The following SYT1 variants were observed in gnomAD, a reference collection of about 807,000 sequenced individuals.
The protein encoded by SYT1 is synaptotagmin 1.
A neutral mutation model predicts 44.8 loss-of-function variants in SYT1; 8 were observed. The ratio of observed to expected loss-of-function variants is 0.18; its 90% CI spans 0.10 to 0.32. The LOEUF (loss-of-function observed/expected upper bound fraction) is 0.32, where lower values mean the gene tolerates loss of function less well. Ranked by LOEUF, SYT1 falls within the 10% of genes least tolerant of loss-of-function variation. SYT1 has a pLI of 1.00. For synonymous variants in SYT1, 154 were observed against 188.8 expected, an observed-to-expected ratio of 0.82 and a Z score of 1.51; for missense variants, 286 against 509.3, an observed-to-expected ratio of 0.56 and a Z score of 4.22.
chr12:78,903,814 A>G (rs956554070), intron 1 of SYT1, among the ~76,000 whole-genome samples: 2 of 152,136 alleles, frequency 1.3e-5, no homozygotes, highest in African/African-American at 4.8e-5. Context: ...ATAGTTATAC[A>G]TAAATTAATT....
chr12:79,143,294 T>G (rs1262581404), intron 3 of SYT1, among the ~76,000 whole-genome samples: 1 of 152,194 alleles, frequency 6.6e-6, no homozygotes, highest in African/African-American at 2.4e-5. Context: ...ACTGTTGTCT[T>G]TTGCAGCGTT....
chr12:78,959,496 C>T (rs1592606057), intron 1 of SYT1, among the ~76,000 whole-genome samples: 1 of 152,220 alleles, frequency 6.6e-6, no homozygotes, highest in East Asian at 1.9e-4. Flanking sequence ...TTTTTGTACA[C>T]ATCTGATATC....
intron 2 of SYT1, among the ~76,000 whole-genome samples, chr12:78,985,377 A>G (rs1319145281): frequency 6.6e-6 from 1 of 151,934 alleles, no homozygotes; most frequent in Non-Finnish European, 1.5e-5. Flanking sequence ...GGAGAATCTA[A>G]GAAAGAAGAA....
intron 3 of SYT1, among the ~76,000 whole-genome samples, chr12:79,198,463 T>A (rs1346813449): frequency 6.6e-6 from 1 of 151,990 alleles, no homozygotes; most frequent in African/African-American, 2.4e-5. Context: ...TAAAAGGCAT[T>A]GATTTGGGAA....
intron 8 of SYT1, among the ~76,000 whole-genome samples, chr12:79,325,365 AAAG>A (rs1297841695): frequency 2.6e-5 from 4 of 152,244 alleles, no homozygotes; most frequent in Admixed American, 2.0e-4. Flanking sequence ...GCTGAAAAGA[AAAG>A]AAGCAGATAC....
chr12:79,190,015 C>T (rs540531695), intron 3 of SYT1, among the ~76,000 whole-genome samples: 1 of 152,264 alleles, frequency 6.6e-6, no homozygotes, highest in East Asian at 1.9e-4. Flanking sequence ...CTCTTTTAAT[C>T]ACTGGACTGT....
chr12:79,131,390 T>TTTTG (rs773777466), intron 3 of SYT1, among the ~76,000 whole-genome samples: 56 of 152,184 alleles, frequency 3.7e-4, no homozygotes, highest in African/African-American at 1.1e-3. Context: ...ACAAGGGTTT[T>TTTTG]TTTGTTTGTT....
At chr12:78,928,691 GA>G in intron 1 of SYT1, among the ~76,000 whole-genome samples, 1 of 152,212 alleles carries the variant, frequency 6.6e-6, no homozygotes, top group Middle Eastern at 3.4e-3. Flanking sequence ...AAATAGCGTG[GA>G]CAGCTTGGAT....
At chr12:79,069,098 G>A (rs778862562) in intron 3 of SYT1, among the ~76,000 whole-genome samples, 1 of 152,122 alleles carries the variant, frequency 6.6e-6, no homozygotes, top group Non-Finnish European at 1.5e-5. Context: ...GGCAGTTAAT[G>A]ATTATAGTTT....
chr12:78,956,047 A>T (rs1879199131), intron 1 of SYT1, among the ~76,000 whole-genome samples: 1 of 152,012 alleles, frequency 6.6e-6, no homozygotes, highest in Non-Finnish European at 1.5e-5. Flanking sequence ...ATATGAAAAA[A>T]TACTGCAATG....
At chr12:79,080,835 T>C (rs1247247963) in intron 3 of SYT1, among the ~76,000 whole-genome samples, 1 of 152,152 alleles carries the variant, frequency 6.6e-6, no homozygotes, top group East Asian at 1.9e-4. Flanking sequence ...ACCTTCCACT[T>C]TCAATACTTC....
intron 4 of SYT1, among the ~76,000 whole-genome samples, chr12:79,243,553 T>A (rs571292041): frequency 1.3e-5 from 2 of 152,302 alleles, no homozygotes; most frequent in African/African-American, 4.8e-5. Context: ...CGAATCCCTT[T>A]TCCCTGCTTC....
intron 9 of SYT1, among the ~76,000 whole-genome samples, chr12:79,394,234 T>G (rs1023814604): frequency 6.6e-6 from 1 of 152,226 alleles, no homozygotes. Context: ...GCTAGGGGTA[T>G]GTAGCCGGGT....
chr12:78,899,045 G>T (rs919970225), intron 1 of SYT1, among the ~76,000 whole-genome samples: 1 of 152,080 alleles, frequency 6.6e-6, no homozygotes, highest in Non-Finnish European at 1.5e-5. Flanking sequence ...GCATGACTCT[G>T]TATTAACTTT....
chr12:79,200,655 G>A (rs1013608173), intron 3 of SYT1, among the ~76,000 whole-genome samples: 2 of 152,298 alleles, frequency 1.3e-5, no homozygotes, highest in South Asian at 4.1e-4. Flanking sequence ...GAAAGTCTGT[G>A]TCACCATGTG....
intron 5 of SYT1, among the ~76,000 whole-genome samples, chr12:79,287,520 A>G (rs1292507965): frequency 6.6e-6 from 1 of 152,150 alleles, no homozygotes; most frequent in African/African-American, 2.4e-5. Flanking sequence ...AATAATATGT[A>G]TGTTAATTTT....
intron 9 of SYT1, among the ~76,000 whole-genome samples, chr12:79,424,953 C>CTTTTTTTTTTTTTTTT: frequency 1.2e-5 from 1 of 85,250 alleles, no homozygotes; most frequent in South Asian, 3.9e-4. Flanking sequence ...TTTTCTTCTT[C>CTTTTTTTTTTTTTTTT]TTTTTTTTTT....
chr12:79,315,665 T>G (rs1218455568), intron 8 of SYT1, among the ~76,000 whole-genome samples: 3 of 152,212 alleles, frequency 2.0e-5, no homozygotes, highest in Non-Finnish European at 4.4e-5. Flanking sequence ...GAAAATATTC[T>G]AGTCTCTCTT....
chr12:78,902,061 T>C (rs1875695242), intron 1 of SYT1, among the ~76,000 whole-genome samples: 1 of 151,832 alleles, frequency 6.6e-6, no homozygotes, highest in African/African-American at 2.4e-5. Flanking sequence ...GAGGGAGGGA[T>C]AGCATTAGGA....
Sources: gnomAD v4.1 joint callset for allele counts (sites outside exome capture counted in the v4.1 genomes callset) on GRCh38, gnomAD v4.1.1 for gene constraint, MANE v1.5 for transcripts, NCBI Gene and HGNC (gene_info 2026-07-23, HGNC 2026-07-21) for gene names.